Variants in GPR160 observed in about 807,000 individuals in gnomAD.
GPR160 encodes G protein-coupled receptor 160.
Under a neutral mutation model 2.6 loss-of-function variants are expected in GPR160, and 2 were observed. That is an observed-to-expected ratio of 0.77 (90% confidence interval 0.32 to 2.44). GPR160 has a LOEUF of 2.44. GPR160 is among the 30% of genes most tolerant of loss of function. GPR160 has a pLI of 0.11. For synonymous variants in GPR160, 130 were observed against 132.2 expected (o/e 0.98, Z 0.12); for missense variants, 351 against 383.6 (o/e 0.91, Z 0.71).
rs185667710 is a variant in GPR160, at chr3:170,084,512, T to A, written c.540T>A (p.Ile180=). Residue 180 remains isoleucine (I), a synonymous_variant, in exon 4 of 4, where the codon ATT becomes ATA. Transcript: ENST00000355897. ...YSRHCPFYVS[I]QSYWLSFFMV... is the part of the protein sequence containing the mutation. ...GTCACTGTCCTTTCTATGTCAGCATTCAGAGTTACTGGCTGTCATTTTTCA... is the reference window on the plus strand; with the variant it reads ...GTCACTGTCCTTTCTATGTCAGCATACAGAGTTACTGGCTGTCATTTTTCA... 8.1e-6 allele frequency: 13 copies of A among 1,613,054 alleles called. No individual in the cohort carries two copies. In the Admixed American group the frequency reaches 1.7e-4, roughly 21 times the overall value.
intron 2 of GPR160, among the ~76,000 whole-genome samples, chr3:170,064,535 T>TTTTTTTTTTTTTTTTTTTTTTTTTTC (rs1219393634): frequency 2.3e-5 from 3 of 127,948 alleles, no homozygotes; most frequent in Non-Finnish European, 4.9e-5. Flanking sequence ...TTTTTTTTTT[T>TTTTTTTTTTTTTTTTTTTTTTTTTTC]TGAGGCAGAG....
intron 2 of GPR160, chr3:170,062,764 G>A: frequency 1.1e-6 from 1 of 885,202 alleles, no homozygotes; most frequent in Admixed American, 2.0e-5. Flanking sequence ...AGGAGCTCCA[G>A]GAAGGGCAAA....
intron 2 of GPR160, among the ~76,000 whole-genome samples, chr3:170,068,998 A>G (rs1023084323): frequency 6.6e-6 from 1 of 152,206 alleles, no homozygotes; most frequent in Non-Finnish European, 1.5e-5. Flanking sequence ...ATATCTTGTA[A>G]TAATAGTATT....
chr3:170,065,719 A>G (rs1712292154), intron 2 of GPR160, among the ~76,000 whole-genome samples: 1 of 152,242 alleles, frequency 6.6e-6, no homozygotes, highest in Non-Finnish European at 1.5e-5. Context: ...AAAGTAAACT[A>G]AATACTTAAA....
Position 170,084,096 on chromosome 3 carries a change from A to C in GPR160, c.124A>C (p.Thr42Pro), listed in dbSNP as rs564322229. 6.3e-7 allele frequency: 1 copy of C among 1,593,656 alleles called. No homozygotes were observed. The highest frequency in any genetic ancestry group is 1.1e-5 in the South Asian group (1 of 88,358). ...TGGGAAAATATTATTAAATATCCTTACACTAGGAATGAGAAGAAAAAACAC... is the reference window on the plus strand; with the variant it reads ...TGGGAAAATATTATTAAATATCCTTCCACTAGGAATGAGAAGAAAAAACAC... The part of the protein sequence containing the change: ...ILGKILLNIL[T>P]LGMRRKNTCQ... The change falls in exon 4 of 4, where the codon ACA (threonine) becomes CCA (proline). Residue 42 changes from threonine (T) to proline (P), a missense_variant. By Grantham distance (38) the Thr-to-Pro change is conservative. Transcript: ENST00000355897.
At chr3:170,052,733 G>A (rs533323911) in intron 2 of GPR160, among the ~76,000 whole-genome samples, 11 of 152,244 alleles carry the variant, frequency 7.2e-5, no homozygotes, top group Non-Finnish European at 1.2e-4. Context: ...TAATTTTAAT[G>A]AGTTCACTTT....
chr3:170,041,658 C>G (rs1716457647), intron 2 of GPR160, among the ~76,000 whole-genome samples: 1 of 152,182 alleles, frequency 6.6e-6, no homozygotes. Flanking sequence ...AATAATGAGA[C>G]AACCAACAAA....
chr3:170,058,158 T>A (rs938986964), intron 2 of GPR160: 15 of 152,148 alleles, frequency 9.9e-5, no homozygotes, highest in African/African-American at 3.4e-4. Flanking sequence ...TCAAGTGGGC[T>A]AAAATGCTTT....
chr3:170,041,909 G>A (rs1325257953), intron 2 of GPR160, among the ~76,000 whole-genome samples: 2 of 152,182 alleles, frequency 1.3e-5, no homozygotes, highest in African/African-American at 2.4e-5. Context: ...TAGGAGAGTG[G>A]TAGATTTGGA....
chr3:170,057,225 G>A (rs1711692027), intron 2 of GPR160: 2 of 152,136 alleles, frequency 1.3e-5, no homozygotes, highest in African/African-American at 4.8e-5. Flanking sequence ...AAATACAAAG[G>A]GGTAAGCAGG....
intron 2 of GPR160, among the ~76,000 whole-genome samples, chr3:170,046,019 T>C (rs1716706280): frequency 6.6e-6 from 1 of 152,088 alleles, no homozygotes; most frequent in African/African-American, 2.4e-5. Context: ...GTAGGATGGA[T>C]TGTGAGTTAG....
At chr3:170,050,307 G>A (rs1380835668) in intron 2 of GPR160, among the ~76,000 whole-genome samples, 1 of 151,276 alleles carries the variant, frequency 6.6e-6, no homozygotes, top group Admixed American at 6.6e-5. Flanking sequence ...GCACTGGTGC[G>A]ATCTCAGCTC....
At chr3:170,043,488 C>A (rs1413990283) in intron 2 of GPR160, among the ~76,000 whole-genome samples, 3 of 152,136 alleles carry the variant, frequency 2.0e-5, no homozygotes, top group Admixed American at 6.5e-5. Context: ...GGCCCACACA[C>A]GTTTTTAATT....
intron 2 of GPR160, chr3:170,077,616 T>A (rs1712921077): frequency 2.0e-5 from 3 of 152,284 alleles, no homozygotes. Context: ...CGACTTTTGA[T>A]CATCAGCGCG....
In GPR160 at chr3:170,038,960, G is replaced by C. The variant is rs1045454480; in HGVS notation, c.-276G>C. 1 of 151,946 alleles carries C rather than the reference G, an allele frequency of 6.6e-6. No individual in the cohort carries two copies. Among genetic ancestry groups the C allele is most frequent in the Admixed American group, 6.5e-5 (1 of 15,270 alleles). The allele number at this position is 151,946 out of a possible 1,614,324, so 9.4% of individuals were successfully genotyped here. ...GGGCCGCCCCCTGCAGTCCGGAGAC[G>C]AACGCACGGACCGGGCCTCCGGAGG... On this transcript the variant is annotated 5_prime_UTR_variant, in exon 2 of 4. Coordinates refer to ENST00000355897, the MANE Select transcript of GPR160 (RefSeq NM_014373.3). This position sits in a 1 kb window ranked among gnomAD's most constrained non-coding sequence, Gnocchi z 5.3.
At chr3:170,040,934 T>A (rs920304742) in intron 2 of GPR160, among the ~76,000 whole-genome samples, 4 of 152,196 alleles carry the variant, frequency 2.6e-5, no homozygotes, top group Non-Finnish European at 5.9e-5. Flanking sequence ...TTTTTAAGAA[T>A]CATGCTTGAA....
At chr3:170,074,710 T>C (rs1407511828) in intron 2 of GPR160, among the ~76,000 whole-genome samples, 1 of 151,978 alleles carries the variant, frequency 6.6e-6, no homozygotes, top group Non-Finnish European at 1.5e-5. Context: ...CTCAAACTCC[T>C]GGGATCAAGT....
chr3:170,050,863 C>T (rs1196774325), intron 2 of GPR160, among the ~76,000 whole-genome samples: 2 of 152,182 alleles, frequency 1.3e-5, no homozygotes, highest in African/African-American at 4.8e-5. Flanking sequence ...AGTTGATGAA[C>T]ATTTGAATTG....
intron 3 of GPR160, among the ~76,000 whole-genome samples, chr3:170,081,268 G>A (rs977894020): frequency 1.3e-5 from 2 of 152,082 alleles, no homozygotes; most frequent in African/African-American, 2.4e-5. Context: ...TAAGACCAAT[G>A]GCATTTGTCA....
Sources: allele counts gnomAD v4.1 joint callset (sites outside exome capture counted in the v4.1 genomes callset), GRCh38; gene constraint gnomAD v4.1.1; non-coding constraint Gnocchi (gnomAD v3.1); transcripts MANE v1.5; gene names NCBI Gene and HGNC (gene_info 2026-07-23, HGNC 2026-07-21).